Variants in PTPRU observed in about 807,000 individuals in gnomAD.
PTPRU encodes the protein receptor-type tyrosine-protein phosphatase U.
A neutral mutation model predicts 166.3 loss-of-function variants in PTPRU; 69 were observed. The observed-to-expected ratio is 0.41, with a 90% CI of 0.34 to 0.51. The LOEUF is 0.51. Among genes scored for constraint, PTPRU ranks in the 20% least tolerant of loss-of-function variants. The pLI is 0.09. For missense variants in PTPRU, 1,657 were observed against 2,013.7 expected (o/e 0.82, Z 3.39); for synonymous variants, 793 against 814.0 (o/e 0.97, Z 0.44).
chr1:29,308,566 CA>C (rs754278193), intron 18 of PTPRU, among the ~76,000 whole-genome samples: 5,991 of 79,496 alleles, frequency 0.075, 143 homozygotes, highest in Non-Finnish European at 0.1. Context: ...GTCCCTGTCT[CA>C]AAAAAAAAAA....
Position 29,260,978 on chromosome 1 carries a change from C to A in PTPRU, c.1144+75C>A. On this transcript the variant is annotated intron_variant, in intron 7 of 29. Transcript: ENST00000373779. This position sits in a 1 kb window ranked among gnomAD's most constrained non-coding sequence, Gnocchi z 8.3. ...ATGGAGGGGCGCATTCGAGAGGTAG[C>A]GTGGCCTGTGCTTGTAAACCTTTCT... 1 of 1,420,746 alleles carries A rather than the reference C, an allele frequency of 7.0e-7. No homozygotes were observed. Among genetic ancestry groups the A allele is most frequent in the South Asian group, 1.5e-5 (1 of 67,396 alleles). The allele number at this position is 1,420,746 out of a possible 1,614,324, so 88.0% of individuals were successfully genotyped here.
Position 29,259,754 on chromosome 1 carries a change from C to T in PTPRU, c.676-116C>T, listed in dbSNP as rs1318176540. ...CATTCCCCCAGGTTAGAGCGCGGCTCCAGGAACCTATGTCCGCGCGGTGTA... is the reference window on the plus strand; with the variant it reads ...CATTCCCCCAGGTTAGAGCGCGGCTTCAGGAACCTATGTCCGCGCGGTGTA... On this transcript the variant is annotated intron_variant, in intron 5 of 29. Coordinates refer to ENST00000373779, the MANE Select transcript of PTPRU (RefSeq NM_133178.4). 12 of 1,333,228 alleles carry T rather than the reference C, an allele frequency of 9.0e-6. No individual in the cohort carries two copies. The South Asian group carries it at 1.6e-4, about 18-fold the overall frequency. 82.6% of individuals were successfully genotyped at this position (1,333,228 alleles called of 1,614,324 possible).
chr1:29,237,451 T>C lies in PTPRU; in HGVS notation c.73+734T>C, dbSNP rs1194050895. Among the ~76,000 whole-genome samples, 2 of 152,152 alleles carry C rather than the reference T, an allele frequency of 1.3e-5. No homozygotes were observed. Among genetic ancestry groups the C allele is most frequent in the African/African-American group, 4.8e-5 (2 of 41,442 alleles). Reference sequence around the variant, plus strand: ...TGTGTGCGAATGTGTCCGTGTGTGCTGGCTGCGCGTCCAGGAATGTTGCGA... The same window carrying C: ...TGTGTGCGAATGTGTCCGTGTGTGCCGGCTGCGCGTCCAGGAATGTTGCGA... On this transcript the variant is annotated intron_variant, in intron 1 of 29. Coordinates refer to ENST00000373779, the MANE Select transcript of PTPRU (RefSeq NM_133178.4). The surrounding 1 kb of genome is among the most constrained non-coding windows in gnomAD (Gnocchi z 6.4).
intron 7 of PTPRU, among the ~76,000 whole-genome samples, chr1:29,272,138 GCAAA>G (rs939155132): frequency 2.6e-5 from 4 of 152,148 alleles, no homozygotes; most frequent in African/African-American, 9.7e-5. Context: ...CTCCTCTGGC[GCAAA>G]CATAGAAGAA....
chr1:29,263,655 G>T (rs1685166709), intron 7 of PTPRU, among the ~76,000 whole-genome samples: 1 of 152,184 alleles, frequency 6.6e-6, no homozygotes. Flanking sequence ...GTCACCACTT[G>T]TTATTATCTG....
chr1:29,237,884 G>A lies in PTPRU; in HGVS notation c.73+1167G>A, dbSNP rs1683849799. 6.8e-6 allele frequency among the ~76,000 whole-genome samples: 1 copy of A among 147,056 alleles called. No homozygotes were observed. Among genetic ancestry groups the A allele is most frequent in the Non-Finnish European group, 1.5e-5 (1 of 66,104 alleles). ...GGCTGCGCCCCGGGCGGCCGGGCGG[G>A]GGCTGTCCCCGGGCTGGGCTGCGAC... is the stretch of plus-strand genomic sequence containing the variant. On this transcript the variant is annotated intron_variant, in intron 1 of 29. Transcript: ENST00000373779. This position sits in a 1 kb window ranked among gnomAD's most constrained non-coding sequence, Gnocchi z 6.4.
At chr1:29,310,636 T>C (rs1243280100) in intron 18 of PTPRU, 108 bp from the exon 19 acceptor site, 14 of 1,202,284 alleles carry the variant, frequency 1.2e-5, no homozygotes, top group Non-Finnish European at 1.2e-6. Context: ...AGGGAGCAGT[T>C]CCCTGGTGGG....
chr1:29,304,904 AG>A, intron 17 of PTPRU, 55 bp downstream of exon 17: 1 of 1,494,822 alleles, frequency 6.7e-7, no homozygotes, highest in South Asian at 1.2e-5. Context: ...GGGCATCAGG[AG>A]GGGGAACACA....
intron 1 of PTPRU, among the ~76,000 whole-genome samples, chr1:29,245,038 C>A (rs1684230738): frequency 6.6e-6 from 1 of 152,154 alleles, no homozygotes; most frequent in South Asian, 2.1e-4. Context: ...TCTTGTTCAT[C>A]CTACTTCCTG....
Position 29,320,927 on chromosome 1 carries a change from C to A in PTPRU, c.3828+102C>A. ...GCCAAAAGTTGGGTCCCAGCTCTGC[C>A]ATCTATTTATTGTGTGATGAATCAT... On this transcript the variant is annotated intron_variant, in intron 26 of 29. Transcript: ENST00000373779. This position sits in a 1 kb window ranked among gnomAD's most constrained non-coding sequence, Gnocchi z 5.2. 4.6e-6 allele frequency: 6 copies of A among 1,305,674 alleles called. No homozygotes were observed. The highest frequency in any genetic ancestry group is 5.1e-6 in the Non-Finnish European group (5 of 976,692). 80.9% of individuals were successfully genotyped at this position (1,305,674 alleles called of 1,614,324 possible).
intron 7 of PTPRU, among the ~76,000 whole-genome samples, chr1:29,268,386 C>T (rs949926084): frequency 2.0e-5 from 3 of 152,164 alleles, no homozygotes; most frequent in Non-Finnish European, 4.4e-5. Flanking sequence ...ACCGTTGTCA[C>T]AACTGGGTGG....
intron 7 of PTPRU, among the ~76,000 whole-genome samples, chr1:29,272,750 T>C (rs772702268): frequency 1.4e-4 from 21 of 151,312 alleles, no homozygotes; most frequent in Non-Finnish European, 3.1e-4. Context: ...CTACAAAAAA[T>C]ACAAAAATTA....
At chr1:29,290,594 C>A (rs1185812661) in intron 14 of PTPRU, among the ~76,000 whole-genome samples, 1 of 152,236 alleles carries the variant, frequency 6.6e-6, no homozygotes, top group East Asian at 1.9e-4. Flanking sequence ...GGTCTCTCAC[C>A]TCCTCCTCCC....
chr1:29,266,122 G>A (rs1685295061), intron 7 of PTPRU, among the ~76,000 whole-genome samples: 1 of 141,750 alleles, frequency 7.1e-6, no homozygotes, highest in South Asian at 2.4e-4. Flanking sequence ...CTGGGCTCAA[G>A]TGATTCTCCT....
chr1:29,287,199 A>G (rs1466656725), intron 14 of PTPRU, among the ~76,000 whole-genome samples: 1 of 152,084 alleles, frequency 6.6e-6, no homozygotes, highest in African/African-American at 2.4e-5. Flanking sequence ...GCCTCTGTGG[A>G]CCATCAGACT....
chr1:29,319,315 G>A (rs1006312530), intron 25 of PTPRU, among the ~76,000 whole-genome samples: 1 of 150,222 alleles, frequency 6.7e-6, no homozygotes, highest in African/African-American at 2.4e-5. Context: ...CTGGAAAGGA[G>A]ACTGTCTGAG....
chr1:29,320,695 G>A lies in PTPRU; in HGVS notation c.3698G>A (p.Arg1233Gln), dbSNP rs528853967. The change falls in exon 26 of 30, where the codon CGG becomes CAG. Residue 1233 changes from arginine (R) to glutamine (Q), a missense_variant. Physicochemically the swap from Arg to Gln is conservative, Grantham distance 43. Transcript: ENST00000373779. This position sits in a 1 kb window ranked among gnomAD's most constrained non-coding sequence, Gnocchi z 5.2. ...INAALTDSYT[R>Q]SAAFIVTLHP... ...CCGGTTTCCCTGCAGAGCTACACAC[G>A]GAGTGCGGCCTTCATCGTGACCCTG... The A allele has an allele frequency of 1.4e-5, 22 of 1,591,388 alleles. No individual in the cohort carries two copies. The highest frequency in any genetic ancestry group is 5.1e-5 in the Admixed American group (3 of 58,886).
At chr1:29,302,151 ATGTGTGTGTGTGTG>A (rs138316498) in intron 15 of PTPRU, among the ~76,000 whole-genome samples, 2 of 142,216 alleles carry the variant, frequency 1.4e-5, no homozygotes, top group Non-Finnish European at 3.1e-5. Context: ...GCTAATGTGT[ATGTGTGTGTGTGTG>A]TGTGTGTGTG....
In PTPRU at chr1:29,258,443, C is replaced by T. The variant is rs1684867559; in HGVS notation, c.206-62C>T. The T allele has an allele frequency of 8.4e-6, 13 of 1,554,586 alleles. No individual in the cohort carries two copies. The South Asian group carries it at 1.5e-4, about 18-fold the overall frequency. ...GGAGTCCTCCTCAGTGCTCCCCTTG[C>T]CCTGGCCCTGTCCCTCCCCTGAGGT... On this transcript the variant is annotated intron_variant, in intron 2 of 29. Transcript: ENST00000373779.
Sources: allele counts gnomAD v4.1 joint callset (sites outside exome capture counted in the v4.1 genomes callset), GRCh38; gene constraint gnomAD v4.1.1; non-coding constraint Gnocchi (gnomAD v3.1); transcripts MANE v1.5; gene names NCBI Gene and HGNC (gene_info 2026-07-23, HGNC 2026-07-21).